Variants in GXYLT2 observed in about 807,000 individuals in gnomAD.
GXYLT2 encodes the protein glycosyltransferase 8 domain containing 4.
In GXYLT2, 53 loss-of-function variants were observed where a neutral mutation model predicts 45.8. The ratio of observed to expected loss-of-function variants is 1.16; its 90% CI spans 0.93 to 1.46. The LOEUF is 1.46. Ranked by LOEUF, GXYLT2 falls within the 40% of genes most tolerant of loss-of-function variation. The pLI is 0.00. For synonymous variants in GXYLT2, 219 were observed against 214.2 expected (o/e 1.02, Z -0.19); for missense variants, 551 against 544.4 (o/e 1.01, Z -0.12).
chr3:72,959,179 A>G (rs550115760), intron 5 of GXYLT2, among the ~76,000 whole-genome samples: 40 of 129,272 alleles, frequency 3.1e-4, no homozygotes, highest in African/African-American at 1.1e-3. Context: ...GTGCAGTGGC[A>G]TGATCTCGGC....
At chr3:72,965,816 T>G (rs1371416164) in intron 5 of GXYLT2, among the ~76,000 whole-genome samples, 1 of 152,158 alleles carries the variant, frequency 6.6e-6, no homozygotes, top group Admixed American at 6.6e-5. Context: ...GGGGCAAAAT[T>G]GCCCCTGGTT....
intron 5 of GXYLT2, among the ~76,000 whole-genome samples, chr3:72,961,584 C>T (rs1471320061): frequency 6.8e-6 from 1 of 148,024 alleles, no homozygotes; most frequent in Non-Finnish European, 1.5e-5. Flanking sequence ...GATTGTCAAC[C>T]CCAAGTGAAT....
chr3:72,929,047 G>T (rs1042643712), intron 3 of GXYLT2: 20 of 1,569,384 alleles, frequency 1.3e-5, no homozygotes, highest in African/African-American at 6.7e-5. Flanking sequence ...CCGCCGTGAC[G>T]ACCGCGTCCA....
Position 72,955,087 on chromosome 3 carries a change from TAC to T in GXYLT2, c.601-5_601-4del. The T allele has an allele frequency of 6.2e-7, 1 of 1,612,922 alleles. No homozygotes were observed. Among genetic ancestry groups the T allele is most frequent in the Non-Finnish European group, 8.5e-7 (1 of 1,178,978 alleles). On this transcript the variant is annotated splice_polypyrimidine_tract_variant and intron_variant, in intron 3 of 6. Coordinates refer to ENST00000389617, the MANE Select transcript of GXYLT2 (RefSeq NM_001080393.2). ...TCCTCTCCCCTTTACACCCACTCCTTACACACAAAGGTGATTTTAAAGGATGT... is the reference window on the plus strand; with the variant it reads ...TCCTCTCCCCTTTACACCCACTCCTTACACAAAGGTGATTTTAAAGGATGT...
intron 3 of GXYLT2, among the ~76,000 whole-genome samples, chr3:72,927,480 T>C (rs1260022185): frequency 6.6e-6 from 1 of 152,218 alleles, no homozygotes; most frequent in Non-Finnish European, 1.5e-5. Context: ...GATGTCTTCA[T>C]GAGTTAGCTG....
chr3:72,944,445 G>A (rs769228273), intron 3 of GXYLT2, among the ~76,000 whole-genome samples: 32 of 151,766 alleles, frequency 2.1e-4, no homozygotes, highest in Non-Finnish European at 4.6e-4. Context: ...AGTGGAGATG[G>A]GGTTTCACCA....
At chr3:72,940,541 G>A (rs1018663726) in intron 3 of GXYLT2, among the ~76,000 whole-genome samples, 1 of 152,150 alleles carries the variant, frequency 6.6e-6, no homozygotes, top group African/African-American at 2.4e-5. Context: ...GGTTATGGGG[G>A]TTTGGAGTGG....
At chr3:72,900,579 T>C (rs1709385062) in intron 1 of GXYLT2, among the ~76,000 whole-genome samples, 1 of 151,992 alleles carries the variant, frequency 6.6e-6, no homozygotes, top group Middle Eastern at 3.2e-3. Flanking sequence ...CACACCCAGC[T>C]ACTTCTTTTT....
intron 6 of GXYLT2, among the ~76,000 whole-genome samples, chr3:72,974,028 C>T (rs1711045330): frequency 6.6e-6 from 1 of 152,098 alleles, no homozygotes; most frequent in South Asian, 2.1e-4. Context: ...CCCACCTCTC[C>T]TGTTAGGCAA....
At chr3:72,897,736 C>T (rs1029404229) in intron 1 of GXYLT2, among the ~76,000 whole-genome samples, 2 of 152,196 alleles carry the variant, frequency 1.3e-5, no homozygotes, top group Admixed American at 1.3e-4. Context: ...GGTTAAAGCA[C>T]TTGCCCAAGA....
intron 3 of GXYLT2, among the ~76,000 whole-genome samples, chr3:72,928,541 A>G (rs755268070): frequency 1.3e-5 from 2 of 152,190 alleles, no homozygotes; most frequent in Non-Finnish European, 2.9e-5. Context: ...CCTAAATTCC[A>G]TGGAGGTGTG....
intron 1 of GXYLT2, among the ~76,000 whole-genome samples, chr3:72,898,598 A>G (rs1709340092): frequency 6.6e-6 from 1 of 152,194 alleles, no homozygotes; most frequent in Non-Finnish European, 1.5e-5. Context: ...TTAGGAAGGT[A>G]GAGTTGGCAA....
chr3:72,888,965 A>G (rs1709123637), intron 1 of GXYLT2, among the ~76,000 whole-genome samples: 1 of 152,148 alleles, frequency 6.6e-6, no homozygotes, highest in East Asian at 1.9e-4. Flanking sequence ...GAGTACCCCC[A>G]TGCTTAGAAC....
Position 72,908,850 on chromosome 3 carries a change from G to A in GXYLT2, c.468+291G>A, listed in dbSNP as rs559816547. ...CCTTCCAGGCTCAAGTGATCCTCCC[G>A]CCTTAGCCTCCCAAGTAGCTGGGAC... On this transcript the variant is annotated intron_variant, in intron 2 of 6. Transcript: ENST00000389617. Among the ~76,000 whole-genome samples the A allele has an allele frequency of 2.6e-5, 4 of 152,078 alleles. No homozygotes were observed. In the East Asian group the frequency reaches 5.8e-4, roughly 22 times the overall value.
intron 3 of GXYLT2, among the ~76,000 whole-genome samples, chr3:72,954,117 T>A (rs1005820437): frequency 6.6e-6 from 1 of 152,104 alleles, no homozygotes; most frequent in Admixed American, 6.6e-5. Flanking sequence ...TTTAATTTTT[T>A]ATTTTGAAAT....
chr3:72,965,742 A>G (rs1390977720), intron 5 of GXYLT2, among the ~76,000 whole-genome samples: 1 of 152,124 alleles, frequency 6.6e-6, no homozygotes, highest in East Asian at 1.9e-4. Context: ...TCCCCCATGT[A>G]TAACAGTCAA....
At position 72,929,325 on chromosome 3, in the gene GXYLT2, A is replaced by AATGCGATGTGAC. The variant is rs1282392455; in HGVS notation, c.600+6990_600+6991insATGCGATGTGAC. On this transcript the variant is annotated intron_variant, in intron 3 of 6. Transcript: ENST00000389617. ...AAGAAACCAGACTGTGACGACTGGG[A>AATGCGATGTGAC]GAGCGGGCTGAATGCGATGGAGTGT... 2.7e-6 allele frequency: 3 copies of AATGCGATGTGAC among 1,121,468 alleles called. No individual in the cohort carries two copies. The African/African-American group carries it at 4.6e-5, about 17-fold the overall frequency. The allele number at this position is 1,121,468 out of a possible 1,614,324, so 69.5% of individuals were successfully genotyped here.
rs59578224 is a variant in GXYLT2 at position 72,966,692 on chromosome 3, C to T, written c.977-855C>T. Among the ~76,000 whole-genome samples the T allele has an allele frequency of 5.5e-3, 834 of 150,930 alleles. 3 individuals are homozygous for T. The highest frequency in any genetic ancestry group is 0.028 in the Middle Eastern group (8 of 290). On this transcript the variant is annotated intron_variant, in intron 5 of 6. Transcript: ENST00000389617. ...TTGCTCAGGGTGGAGTGTAGTGGTG[C>T]GATCTTGGATCACTGCAACCTCTGC...
intron 6 of GXYLT2, among the ~76,000 whole-genome samples, chr3:72,970,828 C>T (rs1339319808): frequency 2.0e-5 from 3 of 151,966 alleles, no homozygotes; most frequent in Non-Finnish European, 4.4e-5. Context: ...TGCCATTGCA[C>T]TCCAGCCTGG....
Sources: gnomAD v4.1 joint callset for allele counts (sites outside exome capture counted in the v4.1 genomes callset) on GRCh38, gnomAD v4.1.1 for gene constraint, MANE v1.5 for transcripts, NCBI Gene and HGNC (gene_info 2026-07-23, HGNC 2026-07-21) for gene names.